The following CWC22 variants were observed in gnomAD, a reference collection of about 807,000 sequenced individuals.
CWC22 encodes the protein CWC22 spliceosome associated protein.
Under a neutral mutation model 117.2 loss-of-function variants are expected in CWC22, and 53 were observed. That is an observed-to-expected ratio of 0.45 (90% CI 0.36 to 0.57). The LOEUF (loss-of-function observed/expected upper bound fraction) is 0.57. CWC22 is among the 20% of genes least tolerant of loss of function. The probability of loss-of-function intolerance (pLI) is 0.00; values close to 1 mark genes in which losing one functional copy is unlikely to be tolerated. For synonymous variants in CWC22, 360 were observed against 355.6 expected (o/e 1.01, Z -0.14); for missense variants, 980 against 1,068.8 (o/e 0.92, Z 1.16).
chr2:179,984,055 C>A lies in CWC22; in HGVS notation c.207-2058G>T, dbSNP rs111287052. Among the ~76,000 whole-genome samples, 725 of 152,164 alleles carry A rather than the reference C, an allele frequency of 4.8e-3. 1 individual carries two copies. The highest frequency in any genetic ancestry group is 0.015 in the African/African-American group (635 of 41,544). ...CCTTTATGTTCTGCATAATACCTAG[C>A]CTGCTTACTTCATAGTGTGACTGTG... On this transcript the variant is annotated intron_variant, in intron 4 of 19. Coordinates refer to ENST00000410053, the MANE Select transcript of CWC22 (RefSeq NM_020943.3).
chr2:179,957,412 TA>T (rs1296735870), intron 14 of CWC22, among the ~76,000 whole-genome samples: 4 of 152,192 alleles, frequency 2.6e-5, no homozygotes, highest in Non-Finnish European at 4.4e-5. Context: ...GGCCAGATAA[TA>T]AATATTTTAG....
intron 3 of CWC22, among the ~76,000 whole-genome samples, chr2:179,987,231 G>T (rs1018851050): frequency 5.9e-5 from 9 of 152,146 alleles, no homozygotes; most frequent in African/African-American, 2.2e-4. Context: ...CATACCAAAA[G>T]ACCATATTCA....
At chr2:179,966,458 T>C (rs1271304676) in intron 11 of CWC22, among the ~76,000 whole-genome samples, 1 of 152,234 alleles carries the variant, frequency 6.6e-6, no homozygotes, top group Non-Finnish European at 1.5e-5. Flanking sequence ...TAGTGTTCAC[T>C]TGAAATAAAT....
At chr2:180,006,325 T>G (rs1252313559) in intron 1 of CWC22, among the ~76,000 whole-genome samples, 1 of 152,226 alleles carries the variant, frequency 6.6e-6, no homozygotes, top group Non-Finnish European at 1.5e-5. Context: ...TCAGTGAAAT[T>G]AACTATTATA....
At chr2:179,975,894 A>G (rs559918804) in intron 6 of CWC22, among the ~76,000 whole-genome samples, 1 of 152,328 alleles carries the variant, frequency 6.6e-6, no homozygotes, top group South Asian at 2.1e-4. Flanking sequence ...TCACAGAAAT[A>G]GAAAAAACAA....
intron 2 of CWC22, among the ~76,000 whole-genome samples, chr2:179,992,935 CTTGT>C (rs1484776176): frequency 6.6e-6 from 1 of 152,282 alleles, no homozygotes; most frequent in African/African-American, 2.4e-5. Context: ...CTGTTTGTTA[CTTGT>C]TTTTCTTTTA....
At chr2:179,951,762 T>G (rs1276401320) in intron 17 of CWC22, among the ~76,000 whole-genome samples, 1 of 151,964 alleles carries the variant, frequency 6.6e-6, no homozygotes, top group African/African-American at 2.4e-5. Flanking sequence ...GTGGATGGAA[T>G]AGTCCAGAGA....
chr2:179,991,530 G>A (rs1429063031), intron 2 of CWC22, among the ~76,000 whole-genome samples: 2 of 152,174 alleles, frequency 1.3e-5, no homozygotes, highest in South Asian at 2.1e-4. Flanking sequence ...GGGCAGGCTG[G>A]GGGAGAAAAT....
intron 16 of CWC22, among the ~76,000 whole-genome samples, chr2:179,952,881 G>T (rs755801302): frequency 8.6e-5 from 13 of 152,004 alleles, no homozygotes; most frequent in Non-Finnish European, 1.6e-4. Flanking sequence ...GCATATAATG[G>T]TAAAGATTAC....
chr2:179,990,607 G>A (rs544020789), intron 2 of CWC22, among the ~76,000 whole-genome samples: 13 of 152,180 alleles, frequency 8.5e-5, no homozygotes, highest in African/African-American at 2.9e-4. Flanking sequence ...AGGGAGAGGA[G>A]AGAGGAGAAG....
chr2:179,970,356 G>C, intron 11 of CWC22, 145 bp downstream of exon 11: 1 of 887,672 alleles, frequency 1.1e-6, no homozygotes. Flanking sequence ...AAAAAATAAT[G>C]CCCGAGGAAA....
Position 179,986,723 on chromosome 2 carries a change from G to T in CWC22, c.178C>A (p.Arg60Ser). 3.7e-6 allele frequency: 6 copies of T among 1,602,370 alleles called. No individual in the cohort carries two copies. The South Asian group carries it at 5.5e-5, about 15-fold the overall frequency. Residue 60 changes from arginine to serine, a missense_variant, in exon 4 of 20, where the codon CGT (arginine) becomes AGT (serine). Transcript: ENST00000410053. ...GACTCCATGCTACTATCATAAGAAC[G>T]TCCTCTTCTTGAATGCTCATAGTCT... ...RSDYEHSRRG[R>S]SYDSSMESRN...
intron 14 of CWC22, among the ~76,000 whole-genome samples, chr2:179,956,148 A>T (rs1177842150): frequency 6.6e-6 from 1 of 151,758 alleles, no homozygotes. Context: ...ATTTTAAAAA[A>T]TTATATAATT....
intron 13 of CWC22, among the ~76,000 whole-genome samples, chr2:179,961,767 AC>A (rs375210477): frequency 4.6e-5 from 7 of 151,662 alleles, no homozygotes; most frequent in South Asian, 2.1e-4. Context: ...GTATTTAATG[AC>A]CCCCCCTACA....
chr2:179,976,476 G>A (rs186375785), intron 6 of CWC22, among the ~76,000 whole-genome samples: 4 of 142,430 alleles, frequency 2.8e-5, no homozygotes, highest in Non-Finnish European at 6.1e-5. Context: ...GTGAAGAGAT[G>A]ACCTACAGAA....
At position 179,970,773 on chromosome 2, in the gene CWC22, C is replaced by G; in HGVS notation, c.1024G>C (p.Val342Leu). ...TGGTCCTTGAATCCATCTTTCCGTA[C>G]AGCAAACATCACTTCAATCATATAT... ...VQYMIEVMFA[V>L]RKDGFKDHPI... Residue 342 changes from valine to leucine, a missense_variant, in exon 10 of 20, where the codon GTA becomes CTA. Val to Leu is a conservative substitution (Grantham distance 32). Coordinates refer to ENST00000410053, the MANE Select transcript of CWC22 (RefSeq NM_020943.3). 6.2e-7 allele frequency: 1 copy of G among 1,613,706 alleles called. No homozygotes were observed. The highest frequency in any genetic ancestry group is 8.5e-7 in the Non-Finnish European group (1 of 1,179,700).
chr2:180,000,820 GA>G (rs199821429), intron 1 of CWC22, among the ~76,000 whole-genome samples: 147 of 135,560 alleles, frequency 1.1e-3, no homozygotes, highest in East Asian at 2.3e-3. Context: ...ACAGAGGAGT[GA>G]AAAAAAAAAA....
intron 2 of CWC22, among the ~76,000 whole-genome samples, chr2:179,990,974 T>G (rs1452960844): frequency 6.6e-6 from 1 of 152,192 alleles, no homozygotes; most frequent in Non-Finnish European, 1.5e-5. Context: ...CTTTCAGGTA[T>G]GAATCAAATA....
Position 180,000,960 on chromosome 2 carries a change from C to T in CWC22, c.-114+5907G>A, listed in dbSNP as rs577033032. On this transcript the variant is annotated intron_variant, in intron 1 of 19. Coordinates refer to ENST00000410053, the MANE Select transcript of CWC22 (RefSeq NM_020943.3). ...AGTCTATTTTAGGCTGTTTAAGTAA[C>T]CAAATAAAGAGTTAAGTGATCCAAT... Among the ~76,000 whole-genome samples the T allele has an allele frequency of 5.7e-4, 86 of 152,164 alleles. 1 individual carries two copies. Among genetic ancestry groups the T allele is most frequent in the Non-Finnish European group, 9.6e-4 (65 of 68,008 alleles).
Sources: allele counts gnomAD v4.1 joint callset (sites outside exome capture counted in the v4.1 genomes callset), GRCh38; gene constraint gnomAD v4.1.1; transcripts MANE v1.5; gene names NCBI Gene and HGNC (gene_info 2026-07-23, HGNC 2026-07-21).